Variants in ANKRD55 observed in about 807,000 individuals in gnomAD.
ANKRD55 encodes ankyrin repeat domain-containing protein 55.
In ANKRD55, 41 loss-of-function variants were observed where a neutral mutation model predicts 60.6. The ratio of observed to expected loss-of-function variants is 0.68; its 90% confidence interval spans 0.53 to 0.88. The LOEUF (loss-of-function observed/expected upper bound fraction) is 0.88. Among genes scored for constraint, ANKRD55 ranks in the 40% least tolerant of loss-of-function variants. The probability of loss-of-function intolerance (pLI) is 0.00; values close to 1 mark genes in which losing one functional copy is unlikely to be tolerated. For synonymous variants in ANKRD55, 264 were observed against 290.3 expected (o/e 0.91, Z 0.92); for missense variants, 732 against 767.6 (o/e 0.95, Z 0.55).
At chr5:56,187,427 C>T (rs1758997691) in intron 2 of ANKRD55, among the ~76,000 whole-genome samples, 1 of 152,254 alleles carries the variant, frequency 6.6e-6, no homozygotes, top group South Asian at 2.1e-4. Context: ...CAACGGCTAC[C>T]CTCTCTGGGT....
chr5:56,119,975 A>G (rs1438834928), intron 8 of ANKRD55, among the ~76,000 whole-genome samples: 1 of 152,032 alleles, frequency 6.6e-6, no homozygotes, highest in East Asian at 1.9e-4. Flanking sequence ...GTATTTTGGT[A>G]TGTGCAGTGA....
chr5:56,216,669 A>T (rs1330404143), intron 2 of ANKRD55, among the ~76,000 whole-genome samples: 1 of 152,242 alleles, frequency 6.6e-6, no homozygotes, highest in East Asian at 1.9e-4. Context: ...ATAAAAGACC[A>T]ATCTAGCCGC....
At chr5:56,145,348 A>G (rs1468258251) in intron 6 of ANKRD55, among the ~76,000 whole-genome samples, 4 of 152,152 alleles carry the variant, frequency 2.6e-5, no homozygotes, top group African/African-American at 9.7e-5. Flanking sequence ...AACCTTCCCC[A>G]GGCCTGGGCT....
chr5:56,188,789 T>C (rs1479094252), intron 2 of ANKRD55, among the ~76,000 whole-genome samples: 1 of 152,234 alleles, frequency 6.6e-6, no homozygotes, highest in East Asian at 1.9e-4. Context: ...AGATTTTGTG[T>C]ATTCGTTTGG....
chr5:56,107,009 C>CT (rs1214408081), intron 10 of ANKRD55, among the ~76,000 whole-genome samples: 1 of 97,250 alleles, frequency 1.0e-5, no homozygotes, highest in Non-Finnish European at 2.2e-5. Context: ...CTATCTCTCT[C>CT]TAAAAAAAAA....
At chr5:56,189,310 C>CAAAAAAA (rs201026805) in intron 2 of ANKRD55, among the ~76,000 whole-genome samples, 1 of 89,700 alleles carries the variant, frequency 1.1e-5, no homozygotes, top group African/African-American at 4.7e-5. Context: ...GACTCTGTCT[C>CAAAAAAA]AAAAAAAAAA....
intron 6 of ANKRD55, among the ~76,000 whole-genome samples, chr5:56,154,085 T>C (rs894341223): frequency 4.7e-5 from 7 of 149,096 alleles, no homozygotes; most frequent in Non-Finnish European, 7.4e-5. Flanking sequence ...TGGTGACGGG[T>C]GCCTGTAGTC....
intron 8 of ANKRD55, among the ~76,000 whole-genome samples, chr5:56,124,713 G>A (rs1410998373): frequency 6.6e-6 from 1 of 152,072 alleles, no homozygotes; most frequent in Non-Finnish European, 1.5e-5. Flanking sequence ...TCACCATGTT[G>A]GCCAGGTTGG....
At chr5:56,115,911 A>G (rs12110064) in intron 9 of ANKRD55, among the ~76,000 whole-genome samples, 13,932 of 151,852 alleles carry the variant, frequency 0.092, 1,054 homozygotes, top group African/African-American at 0.21. Flanking sequence ...CTGGAGTGCA[A>G]TGGAGTGATC....
intron 7 of ANKRD55, among the ~76,000 whole-genome samples, chr5:56,141,248 A>T (rs1357824761): frequency 6.7e-6 from 1 of 149,486 alleles, no homozygotes; most frequent in African/African-American, 2.5e-5. Context: ...GTGAGATTAT[A>T]GCCACAGCTC....
At chr5:56,213,060 T>C (rs1477035536) in intron 2 of ANKRD55, among the ~76,000 whole-genome samples, 1 of 152,150 alleles carries the variant, frequency 6.6e-6, no homozygotes, top group Non-Finnish European at 1.5e-5. Context: ...ATAAAAACTT[T>C]ATTGTGGGAT....
intron 7 of ANKRD55, among the ~76,000 whole-genome samples, chr5:56,130,744 C>T (rs1051402802): frequency 6.6e-6 from 1 of 152,106 alleles, no homozygotes; most frequent in Admixed American, 6.5e-5. Context: ...AAGTGGACAA[C>T]ATGTCAGAAC....
intron 2 of ANKRD55, among the ~76,000 whole-genome samples, chr5:56,207,393 T>A (rs775420337): frequency 2.0e-5 from 3 of 152,230 alleles, no homozygotes; most frequent in Non-Finnish European, 4.4e-5. Context: ...ATGTATTTTT[T>A]ATTTACAAAA....
At chr5:56,154,475 T>G (rs1441095504) in intron 6 of ANKRD55, among the ~76,000 whole-genome samples, 1 of 152,198 alleles carries the variant, frequency 6.6e-6, no homozygotes, top group Non-Finnish European at 1.5e-5. Flanking sequence ...TGGCAAGAGC[T>G]TTTGCTGTTA....
chr5:56,123,111 G>A (rs1281839042), intron 8 of ANKRD55, among the ~76,000 whole-genome samples: 1 of 152,068 alleles, frequency 6.6e-6, no homozygotes, highest in Non-Finnish European at 1.5e-5. Context: ...CCTCTGGTAA[G>A]TCACTCGGGA....
chr5:56,102,359 C>G, intron 11 of ANKRD55, 135 bp downstream of exon 11: 2 of 532,096 alleles, frequency 3.8e-6, no homozygotes, highest in Non-Finnish European at 3.2e-6. Context: ...TCATTGCACT[C>G]TAGCCGGGGC....
In ANKRD55 at chr5:56,127,364, G is replaced by A. The variant is rs958047932; in HGVS notation, c.613-258C>T. Reference sequence around the variant, plus strand: ...AAATTGTCTTCCATAACTAGTGAACGAAGGATGGATTGAAATTAAATACAG... The same window carrying A: ...AAATTGTCTTCCATAACTAGTGAACAAAGGATGGATTGAAATTAAATACAG... On this transcript the variant is annotated intron_variant, in intron 7 of 11. Coordinates refer to ENST00000341048, the MANE Select transcript of ANKRD55 (RefSeq NM_024669.3). The A allele has an allele frequency of 2.1e-5, 21 of 985,070 alleles. No individual in the cohort carries two copies. The Admixed American group carries it at 6.2e-4, about 29-fold the overall frequency. 61.0% of individuals were successfully genotyped at this position (985,070 alleles called of 1,614,324 possible).
chr5:56,107,637 G>A (rs1331494054), intron 10 of ANKRD55, among the ~76,000 whole-genome samples: 1 of 152,102 alleles, frequency 6.6e-6, no homozygotes. Flanking sequence ...AGATGCAAGC[G>A]GAAGTGTGGC....
chr5:56,183,910 G>A (rs905304890), intron 2 of ANKRD55, among the ~76,000 whole-genome samples: 7 of 152,200 alleles, frequency 4.6e-5, no homozygotes, highest in African/African-American at 1.7e-4. Flanking sequence ...CAGGCTTCTC[G>A]AAGCCAGGGA....
Sources: gnomAD v4.1 joint callset for allele counts (sites outside exome capture counted in the v4.1 genomes callset) on GRCh38, gnomAD v4.1.1 for gene constraint, MANE v1.5 for transcripts, NCBI Gene and HGNC (gene_info 2026-07-23, HGNC 2026-07-21) for gene names.